Variants in ZNF880 observed in about 807,000 individuals in gnomAD.
The protein encoded by ZNF880 is zinc finger protein LOC400713.
In ZNF880, 12 loss-of-function variants were observed where a neutral mutation model predicts 11.8. That is an observed-to-expected ratio of 1.02 (90% confidence interval 0.65 to 1.65). The LOEUF (loss-of-function observed/expected upper bound fraction) is 1.65. ZNF880 is among the 40% of genes most tolerant of loss of function. The probability of loss-of-function intolerance (pLI) is 0.00; values close to 1 mark genes in which losing one functional copy is unlikely to be tolerated. For synonymous variants in ZNF880, 210 were observed against 232.4 expected (o/e 0.90, Z 0.88); for missense variants, 601 against 673.9 (o/e 0.89, Z 1.20).
chr19:52,385,660 C>T lies in ZNF880; in HGVS notation c.*346C>T, dbSNP rs991885142. On this transcript the variant is annotated 3_prime_UTR_variant, in exon 4 of 4. Coordinates refer to ENST00000422689, the MANE Select transcript of ZNF880 (RefSeq NM_001145434.2). ...TAGTTCTCCAATATTTATGATACTG[C>T]ATGCTGCAGAAAAGTCACAGCTCCA... The T allele has an allele frequency of 2.7e-5, 5 of 182,262 alleles. No homozygotes were observed. In the Admixed American group the frequency reaches 3.0e-4, roughly 11 times the overall value. 11.3% of individuals were successfully genotyped at this position (182,262 alleles called of 1,614,324 possible).
intron 3 of ZNF880, among the ~76,000 whole-genome samples, chr19:52,376,304 ACCACAT>A (rs1986548330): frequency 6.6e-6 from 1 of 152,064 alleles, no homozygotes; most frequent in South Asian, 2.1e-4. Flanking sequence ...GGTCCCTTTC[ACCACAT>A]CCACACCAAC....
chr19:52,383,862 A>G lies in ZNF880; in HGVS notation c.282A>G (p.Lys94=), dbSNP rs1004747341. The part of the protein sequence containing the change: ...IKGVNAESSS[K]LGSNAGNKSL... ...TTTCTTTTTTAGAGAGCAGCTCTAA[A>G]TTGGGAAGCAATGCCGGAAACAAGT... The change falls in exon 4 of 4, where the codon AAA becomes AAG. Residue 94 remains lysine (K), a synonymous_variant. Transcript: ENST00000422689. The G allele has an allele frequency of 2.6e-6, 4 of 1,544,882 alleles. No individual in the cohort carries two copies. The East Asian group carries it at 9.4e-5, about 36-fold the overall frequency.
intron 3 of ZNF880, among the ~76,000 whole-genome samples, chr19:52,380,466 A>G (rs1208171325): frequency 6.6e-6 from 1 of 151,578 alleles, no homozygotes; most frequent in Non-Finnish European, 1.5e-5. Context: ...TCTTTTCCTT[A>G]TTTCTTAATT....
chr19:52,367,059 A>G (rs1346943008), upstream of ZNF880: 1 of 361,530 alleles, frequency 2.8e-6, no homozygotes, highest in African/African-American at 2.1e-5. Flanking sequence ...GTAATTTGTA[A>G]CTCTTTGATT....
chr19:52,396,121 A>ATTTTTTTTTTTTTTTTTTTTTTTTTTT, the ZNF880 span, among the ~76,000 whole-genome samples: 1 of 120,646 alleles, frequency 8.3e-6, no homozygotes, highest in Non-Finnish European at 1.7e-5. Context: ...TGCCTGGCTA[A>ATTTTTTTTTTTTTTTTTTTTTTTTTTT]TTTTTTTTTT....
At chr19:52,369,903 C>G, upstream of ZNF880, 1 of 1,550,456 alleles carries the variant, frequency 6.4e-7, no homozygotes, top group Non-Finnish European at 8.7e-7. Context: ...GGCCTCGCCT[C>G]GCCTCTCAGC....
rs1444722099 is a variant in ZNF880, at chr19:52,370,320, C to T, written c.12+343C>T. ...CGTCTTTCCGGTCCCCCAAGCCTCG[C>T]CCTCTTTTCACAGGCCTGCCCCCTT... On this transcript the variant is annotated intron_variant, in intron 1 of 3. Transcript: ENST00000422689. 8 of 336,988 alleles carry T rather than the reference C, an allele frequency of 2.4e-5. No homozygotes were observed. In the East Asian group the frequency reaches 2.8e-4, roughly 12 times the overall value. The allele number at this position is 336,988 out of a possible 1,614,324, so 20.9% of individuals were successfully genotyped here.
chr19:52,387,834 C>CT (rs11479315), downstream of ZNF880, among the ~76,000 whole-genome samples: 94 of 118,458 alleles, frequency 7.9e-4, 5 homozygotes, highest in East Asian at 2.2e-3. Context: ...TAGTGCATGT[C>CT]TTTTTTTTTT....
At chr19:52,378,623 G>A (rs540191419) in intron 3 of ZNF880, among the ~76,000 whole-genome samples, 234 of 143,550 alleles carry the variant, frequency 1.6e-3, no homozygotes, top group African/African-American at 5.8e-3. Context: ...CTCTGGCCTG[G>A]TGACAGAGCG....
At chr19:52,381,108 T>C (rs1033748164) in intron 3 of ZNF880, among the ~76,000 whole-genome samples, 3 of 152,128 alleles carry the variant, frequency 2.0e-5, no homozygotes, top group Non-Finnish European at 4.4e-5. Context: ...ACTTAGTTTT[T>C]TTAAATTTAC....
Position 52,383,837 on chromosome 19 carries a change from T to G in ZNF880, c.269-12T>G. On this transcript the variant is annotated splice_polypyrimidine_tract_variant and intron_variant, in intron 3 of 3. Coordinates refer to ENST00000422689, the MANE Select transcript of ZNF880 (RefSeq NM_001145434.2). ...CATGGGTTGAAGTTCCACTTTTTTC[T>G]TTCTTTTTTAGAGAGCAGCTCTAAA... is the stretch of plus-strand genomic sequence containing the variant. 6.6e-7 allele frequency: 1 copy of G among 1,511,784 alleles called. No individual in the cohort carries two copies. The highest frequency in any genetic ancestry group is 8.8e-7 in the Non-Finnish European group (1 of 1,132,408). 93.6% of individuals were successfully genotyped at this position (1,511,784 alleles called of 1,614,324 possible).
rs758794166 is a variant in ZNF880 at position 52,383,874 on chromosome 19, T to G, written c.294T>G (p.Asn98Lys). 21 of 1,542,794 alleles carry G rather than the reference T, an allele frequency of 1.4e-5. No individual in the cohort carries two copies. The South Asian group carries it at 2.1e-4, about 15-fold the overall frequency. The change falls in exon 4 of 4, where the codon AAT (asparagine) becomes AAG (lysine). Residue 98 changes from asparagine to lysine, a missense_variant. Asn to Lys is a moderately conservative substitution (Grantham distance 94, BLOSUM62 0). This residue lies in a region of ZNF880 where 420 missense variants were observed against 442.6 expected (regional missense o/e 0.95). Transcript: ENST00000422689. ...AGAGCAGCTCTAAATTGGGAAGCAA[T>G]GCCGGAAACAAGTCTCTTAAAAATC... ...NAESSSKLGS[N>K]AGNKSLKNQL...
At chr19:52,382,473 T>G (rs965535494) in intron 3 of ZNF880, among the ~76,000 whole-genome samples, 1 of 152,192 alleles carries the variant, frequency 6.6e-6, no homozygotes, top group African/African-American at 2.4e-5. Context: ...TCTAGAATAC[T>G]AATGCACTCC....
intron 1 of ZNF880, among the ~76,000 whole-genome samples, chr19:52,372,024 A>G (rs1986387563): frequency 6.6e-6 from 1 of 151,680 alleles, no homozygotes; most frequent in African/African-American, 2.4e-5. Flanking sequence ...ACCTGTCTCT[A>G]CTAAAAATAG....
At chr19:52,389,446 A>AAATCTT (rs142947399), downstream of ZNF880, 1 of 208 alleles carries the variant, frequency 4.8e-3, no homozygotes, top group Non-Finnish European at 8.5e-3. Context: ...CAGGGCAGTC[A>AAATCTT]AAGCTCCAAA....
At chr19:52,377,713 T>C (rs189059536) in intron 3 of ZNF880, among the ~76,000 whole-genome samples, 3 of 152,272 alleles carry the variant, frequency 2.0e-5, no homozygotes, top group East Asian at 3.9e-4. Context: ...TTTTGAAGGA[T>C]ACAGATGAAG....
intron 2 of ZNF880, 109 bp downstream of exon 2, chr19:52,373,346 A>G: frequency 8.6e-7 from 1 of 1,165,602 alleles, no homozygotes; most frequent in Non-Finnish European, 1.2e-6. Context: ...ACTGAGATTG[A>G]AACCCTGTTG....
chr19:52,378,459 A>G (rs1986616144), intron 3 of ZNF880, among the ~76,000 whole-genome samples: 1 of 151,950 alleles, frequency 6.6e-6, no homozygotes, highest in African/African-American at 2.4e-5. Context: ...CCTGGCCAAC[A>G]TGGTGAAACC....
upstream of ZNF880, chr19:52,369,872 C>G: frequency 6.6e-7 from 1 of 1,507,436 alleles, no homozygotes; most frequent in Non-Finnish European, 9.0e-7. Context: ...GCGCAGGCTC[C>G]GCCCAATCCC....
Sources: gnomAD v4.1 joint callset for allele counts (sites outside exome capture counted in the v4.1 genomes callset) on GRCh38, gnomAD v4.1.1 for gene constraint, gnomAD v4.1.1 regional missense constraint, MANE v1.5 for transcripts, NCBI Gene and HGNC (gene_info 2026-07-23, HGNC 2026-07-21) for gene names.